CLN6: variants seen among roughly 807,000 people sequenced by gnomAD.
The protein encoded by CLN6 is ceroid-lipofuscinosis neuronal protein 6.
A neutral mutation model predicts 33.3 loss-of-function variants in CLN6; 22 were observed. The ratio of observed to expected loss-of-function variants is 0.66; its 90% confidence interval spans 0.47 to 0.94. The LOEUF (loss-of-function observed/expected upper bound fraction) is 0.94. Ranked by LOEUF, CLN6 falls within the 40% of genes least tolerant of loss-of-function variation. CLN6 has a pLI of 0.00. For missense variants in CLN6, 387 were observed against 417.1 expected, an observed-to-expected ratio of 0.93 and a Z score of 0.63; for synonymous variants, 201 against 174.6, an observed-to-expected ratio of 1.15 and a Z score of -1.19.
In CLN6 at chr15:68,208,059, A is replaced by AC. The variant is rs1273294160; in HGVS notation, c.*80dup. 3.3e-5 allele frequency: 48 copies of AC among 1,471,706 alleles called. No individual in the cohort carries two copies. Among genetic ancestry groups the AC allele is most frequent in the East Asian group, 7.4e-5 (3 of 40,332 alleles). 91.2% of individuals were successfully genotyped at this position (1,471,706 alleles called of 1,614,324 possible). A position where few individuals can be genotyped will look rare whatever the true frequency, so the allele number is the denominator to read the frequency against. The stretch of plus-strand genomic sequence containing the variant: ...TCTCGGTCTCTGGTTACACACCCAC[A>AC]CCCCCCCTACTCCTGTATTCAGATG... On this transcript the variant is annotated 3_prime_UTR_variant, in exon 7 of 7. Coordinates refer to ENST00000249806, the MANE Select transcript of CLN6 (RefSeq NM_017882.3). This position sits in a 1 kb window ranked among gnomAD's most constrained non-coding sequence, Gnocchi z 5.8.
intron 2 of CLN6, 163 bp downstream of exon 2, chr15:68,218,373 C>G (rs979442624): frequency 1.5e-5 from 9 of 595,056 alleles, no homozygotes; most frequent in Non-Finnish European, 2.8e-5. Context: ...AGTTGCCTGA[C>G]GGGCCAAGTC....
chr15:68,222,428 G>C (rs1413904578), intron 1 of CLN6, among the ~76,000 whole-genome samples: 6 of 141,860 alleles, frequency 4.2e-5, no homozygotes, highest in African/African-American at 1.6e-4. Flanking sequence ...GGGATGTGAG[G>C]AGCGCCTCTG....
At position 68,240,544 on chromosome 15, in the gene CLN6, T is replaced by C. The variant is rs565132321; in HGVS notation, c.179+16146A>G. 3.9e-5 allele frequency among the ~76,000 whole-genome samples: 6 copies of C among 152,292 alleles called. No individual in the cohort carries two copies. In the South Asian group the frequency reaches 1.0e-3, roughly 26 times the overall value. Reference sequence around the variant, plus strand: ...TGAACCCAGGAAGCAGAGGTTGCCCTGAGCTGAGATCGTGCCACTGCACTG... The same window carrying C: ...TGAACCCAGGAAGCAGAGGTTGCCCCGAGCTGAGATCGTGCCACTGCACTG... On this transcript the variant is annotated intron_variant, in intron 1 of 6. Transcript: ENST00000538696.
Position 68,218,798 on chromosome 15 carries a change from T to C in CLN6, c.84-148A>G, listed in dbSNP as rs371329003. ...TCTATGGATAGGGTTTTGCTGGATA[T>C]ACTGGGGTCTGGCCCTGTGGTCAAG... On this transcript the variant is annotated intron_variant, in intron 1 of 6. Transcript: ENST00000249806. 4.6e-6 allele frequency: 3 copies of C among 649,852 alleles called. 1 individual carries two copies. The highest frequency in any genetic ancestry group is 2.8e-6 in the Non-Finnish European group (1 of 356,154). 40.3% of individuals were successfully genotyped at this position (649,852 alleles called of 1,614,324 possible).
intron 2 of CLN6, among the ~76,000 whole-genome samples, chr15:68,217,579 A>G (rs2093223896): frequency 6.6e-6 from 1 of 152,216 alleles, no homozygotes; most frequent in African/African-American, 2.4e-5. Flanking sequence ...ACAAAGTGCC[A>G]GTTTCAGCAC....
At chr15:68,243,531 G>T (rs981481562) in intron 1 of CLN6, among the ~76,000 whole-genome samples, 3 of 152,114 alleles carry the variant, frequency 2.0e-5, no homozygotes, top group African/African-American at 7.2e-5. Context: ...AAGGTGGGTG[G>T]ATCACCTGAG....
chr15:68,230,939 TCACC>T (rs2093267547), upstream of CLN6, among the ~76,000 whole-genome samples: 1 of 152,146 alleles, frequency 6.6e-6, no homozygotes, highest in African/African-American at 2.4e-5. This position sits in a 1 kb window ranked among gnomAD's most constrained non-coding sequence, Gnocchi z 4.0. Context: ...CTGTCTCCTC[TCACC>T]CAGCCCTCAA....
chr15:68,233,211 G>A (rs1892182443), upstream of CLN6, among the ~76,000 whole-genome samples: 1 of 146,246 alleles, frequency 6.8e-6, no homozygotes, highest in African/African-American at 2.5e-5. The surrounding 1 kb of genome is among the most constrained non-coding windows in gnomAD (Gnocchi z 4.3). Flanking sequence ...CCAATACAGT[G>A]TTAGCATACA....
chr15:68,238,796 C>T (rs1292440960), intron 1 of CLN6, among the ~76,000 whole-genome samples: 1 of 152,104 alleles, frequency 6.6e-6, no homozygotes, highest in Non-Finnish European at 1.5e-5. Context: ...AAATATATAA[C>T]TTATCATTGC....
rs554594996 is a variant in CLN6, at chr15:68,208,327, C to T, written c.749G>A (p.Arg250His). 4.2e-5 allele frequency: 67 copies of T among 1,614,082 alleles called. No homozygotes were observed. The highest frequency in any genetic ancestry group is 2.5e-4 in the Admixed American group (15 of 60,020). Reference protein sequence around the residue: ...AMLALVLHQKRKRLFLDSNGL... With the variant: ...AMLALVLHQKHKRLFLDSNGL... ...GTTGCTGTCCAGGAAGAGGCGCTTGCGCTTCTGGTGCAGGACGAGGGCCAG... is the reference window on the plus strand; with the variant it reads ...GTTGCTGTCCAGGAAGAGGCGCTTGTGCTTCTGGTGCAGGACGAGGGCCAG... Residue 250 changes from arginine (R) to histidine (H), a missense_variant, in exon 7 of 7, where the codon CGC becomes CAC. Physicochemically the swap from Arg to His is conservative, Grantham distance 29 (BLOSUM62 0). Transcript: ENST00000249806. The surrounding 1 kb of genome is among the most constrained non-coding windows in gnomAD (Gnocchi z 5.8).
intron 1 of CLN6, among the ~76,000 whole-genome samples, chr15:68,235,729 C>G (rs181918988): frequency 1.3e-5 from 2 of 151,626 alleles, no homozygotes; most frequent in Admixed American, 1.3e-4. Context: ...TTGTCAACAC[C>G]CTGGCACCCA....
rs552390602 is a variant in CLN6, at chr15:68,214,443, G to A, written c.199-55C>T. 295 of 1,330,824 alleles carry A rather than the reference G, an allele frequency of 2.2e-4. 3 individuals carry two copies. The South Asian group carries it at 3.2e-3, about 15-fold the overall frequency. 82.4% of individuals were successfully genotyped at this position (1,330,824 alleles called of 1,614,324 possible). A position where few individuals can be genotyped will look rare whatever the true frequency, so the allele number is the denominator to read the frequency against. ...CTGGGCACAGCCCCACGCGGCCCTC[G>A]GGCCTCAAGGGAGTCTGCCCCTAAT... On this transcript the variant is annotated intron_variant, in intron 2 of 6. Transcript: ENST00000249806.
In CLN6 at chr15:68,256,791, C is replaced by T. The variant is rs749478148; in HGVS notation, c.78G>A (p.Arg26=). 1.4e-6 allele frequency: 1 copy of T among 702,240 alleles called. No homozygotes were observed. Among genetic ancestry groups the T allele is most frequent in the South Asian group, 1.5e-5 (1 of 67,568 alleles). 43.5% of individuals were successfully genotyped at this position (702,240 alleles called of 1,614,324 possible). The change falls in exon 1 of 7, where the codon AGG becomes AGA. Residue 26 remains arginine (R), a synonymous_variant. Transcript: ENST00000538696. This position sits in a 1 kb window ranked among gnomAD's most constrained non-coding sequence, Gnocchi z 4.1. ...GGCTCAAGCCCGCCTCGCCTCCCTC[C>T]CTCCTAGGGATGGCTCCCAGTGTCT...
chr15:68,208,182 C>T lies in CLN6; in HGVS notation c.894G>A (p.Glu298=), dbSNP rs780421624. 2.6e-5 allele frequency: 41 copies of T among 1,588,996 alleles called. No individual in the cohort carries two copies. In the South Asian group the frequency reaches 4.3e-4, roughly 17 times the overall value. ...CGTGAAGGGTGTAGAAAGCCCAGGG[C>T]TCAGGGACGTAGATGACACCCGGGT... ...KKYPGVIYVP[E]PWAFYTLHVS... Residue 298 remains glutamate, a synonymous_variant, in exon 7 of 7, where the codon GAG becomes GAA. Transcript: ENST00000249806. This position sits in a 1 kb window ranked among gnomAD's most constrained non-coding sequence, Gnocchi z 5.8.
At chr15:68,235,380 C>T (rs1892209324) in intron 1 of CLN6, among the ~76,000 whole-genome samples, 1 of 152,028 alleles carries the variant, frequency 6.6e-6, no homozygotes, top group East Asian at 1.9e-4. Context: ...CGAGTAATAT[C>T]TGCTTTGAAA....
chr15:68,249,716 A>G (rs986947469), intron 1 of CLN6, among the ~76,000 whole-genome samples: 1 of 152,218 alleles, frequency 6.6e-6, no homozygotes, highest in African/African-American at 2.4e-5. Flanking sequence ...GGTAGAAGAA[A>G]GAAGACCTGA....
At chr15:68,238,940 T>C (rs1170263823) in intron 1 of CLN6, among the ~76,000 whole-genome samples, 1 of 152,134 alleles carries the variant, frequency 6.6e-6, no homozygotes. Context: ...AAACAAATAC[T>C]GGACAATAAT....
rs1892209831 is a variant in CLN6 at position 68,235,435 on chromosome 15, G to A, written c.180-16785C>T. On this transcript the variant is annotated intron_variant, in intron 1 of 6. Coordinates refer to the CLN6 transcript ENST00000538696. ...CTGAGCTCTGTATAGTCAAATTGTG[G>A]AATTTAATGACTTATTAGAGTGCTA... Among the ~76,000 whole-genome samples the A allele has an allele frequency of 2.6e-5, 4 of 152,020 alleles. No homozygotes were observed. The South Asian group carries it at 8.3e-4, about 32-fold the overall frequency.
chr15:68,249,688 G>T (rs1324571095), intron 1 of CLN6, among the ~76,000 whole-genome samples: 1 of 152,258 alleles, frequency 6.6e-6, no homozygotes, highest in Middle Eastern at 3.4e-3. Context: ...TTGATTAATG[G>T]GTACAAATAC....
Sources: allele counts gnomAD v4.1 joint callset (sites outside exome capture counted in the v4.1 genomes callset), GRCh38; gene constraint gnomAD v4.1.1; non-coding constraint Gnocchi (gnomAD v3.1); transcripts MANE v1.5; gene names NCBI Gene and HGNC (gene_info 2026-07-23, HGNC 2026-07-21).